The following PRDM5 variants were observed in gnomAD, a reference collection of about 807,000 sequenced individuals.
PRDM5 encodes PR/SET domain 5, also known as PR domain zinc finger protein 5.
In PRDM5, 56 loss-of-function variants were observed where a neutral mutation model predicts 81.2. That is an observed-to-expected ratio of 0.69 (90% CI 0.56 to 0.86). PRDM5 has a LOEUF of 0.86. Among genes scored for constraint, PRDM5 ranks in the 40% least tolerant of loss-of-function variants. The probability of loss-of-function intolerance (pLI) is 0.00; values close to 1 mark genes in which losing one functional copy is unlikely to be tolerated. For missense variants in PRDM5, 697 were observed against 770.1 expected, an observed-to-expected ratio of 0.91 and a Z score of 1.12; for synonymous variants, 267 against 256.4, an observed-to-expected ratio of 1.04 and a Z score of -0.39.
chr4:120,836,047 G>C (rs1226838370), intron 3 of PRDM5, among the ~76,000 whole-genome samples: 2 of 152,116 alleles, frequency 1.3e-5, no homozygotes, highest in African/African-American at 4.8e-5. Flanking sequence ...GTGGGTGGCA[G>C]AGAACGTTGG....
intron 2 of PRDM5, among the ~76,000 whole-genome samples, chr4:120,899,583 C>T (rs1232818941): frequency 6.6e-6 from 1 of 152,126 alleles, no homozygotes; most frequent in Admixed American, 6.5e-5. Context: ...TTTATTCTCA[C>T]AACACAGTCA....
intron 15 of PRDM5, among the ~76,000 whole-genome samples, chr4:120,708,432 G>C (rs1736501365): frequency 6.6e-6 from 1 of 152,082 alleles, no homozygotes; most frequent in Admixed American, 6.6e-5. Context: ...GAAATATCTA[G>C]AATAGGTAAG....
At chr4:120,815,926 T>A in intron 7 of PRDM5, 1 of 182,436 alleles carries the variant, frequency 5.5e-6, no homozygotes, top group Non-Finnish European at 1.2e-5. Flanking sequence ...TTATATTTGT[T>A]TTATTGTTTA....
chr4:120,691,615 T>A (rs1734057342), downstream of PRDM5, among the ~76,000 whole-genome samples: 1 of 152,132 alleles, frequency 6.6e-6, no homozygotes, highest in Admixed American at 6.6e-5. Context: ...CATTCTTAGT[T>A]ACCAGGTTTC....
intron 15 of PRDM5, among the ~76,000 whole-genome samples, chr4:120,702,836 A>G (rs897511723): frequency 5.9e-5 from 9 of 152,114 alleles, no homozygotes; most frequent in Admixed American, 5.2e-4. Context: ...CTCCAAACCC[A>G]ATGTCACCAT....
At chr4:120,767,092 A>C (rs1168380040) in intron 13 of PRDM5, among the ~76,000 whole-genome samples, 1 of 152,198 alleles carries the variant, frequency 6.6e-6, no homozygotes. Flanking sequence ...TGAAGGATAA[A>C]ATCAATCATA....
Position 120,695,133 on chromosome 4 carries a change from A to G in PRDM5, c.1871T>C (p.Ile624Thr), listed in dbSNP as rs545026669. Residue 624 changes from isoleucine to threonine, a missense_variant, in exon 16 of 16, where the codon ATC becomes ACC. Coordinates refer to ENST00000264808, the MANE Select transcript of PRDM5 (RefSeq NM_018699.4). The stretch of plus-strand genomic sequence containing the variant: ...CTATTAGCTGTCAGCTACACCATGG[A>G]TATTGTCCATGTGCACTTTGAGGTA... ...NDYLKVHMDN[I>T]HGVADS is the part of the protein sequence containing the mutation. The G allele has an allele frequency of 6.2e-7, 1 of 1,613,244 alleles. No individual in the cohort carries two copies. Among genetic ancestry groups the G allele is most frequent in the South Asian group, 1.1e-5 (1 of 91,064 alleles).
rs1736783467 is a variant in PRDM5 at position 120,710,335 on chromosome 4, T to C, written c.1702A>G (p.Thr568Ala). 6.2e-7 allele frequency: 1 copy of C among 1,614,044 alleles called. No homozygotes were observed. Among genetic ancestry groups the C allele is most frequent in the East Asian group, 2.2e-5 (1 of 44,868 alleles). ...RGLDEHKRTH[T>A]GEKPFQCDVC... ...TCACACTGAAAAGGCTTTTCTCCAGTGTGCGTCCTCTTGTGCTCATCCAGG... is the reference window on the plus strand; with the variant it reads ...TCACACTGAAAAGGCTTTTCTCCAGCGTGCGTCCTCTTGTGCTCATCCAGG... Residue 568 changes from threonine to alanine, a missense_variant, in exon 15 of 16, where the codon ACT becomes GCT. By Grantham distance (58) the Thr-to-Ala change is moderately conservative. Transcript: ENST00000264808.
At chr4:120,782,064 A>C (rs756126890) in intron 11 of PRDM5, among the ~76,000 whole-genome samples, 3 of 151,716 alleles carry the variant, frequency 2.0e-5, no homozygotes, top group Non-Finnish European at 2.9e-5. Flanking sequence ...TCTAACTTTC[A>C]TATAATGCTA....
At chr4:120,921,602 G>A (rs1214274994) in intron 1 of PRDM5, among the ~76,000 whole-genome samples, 1 of 152,142 alleles carries the variant, frequency 6.6e-6, no homozygotes, top group African/African-American at 2.4e-5. Flanking sequence ...ACCTGAACAA[G>A]CCTGTTCTTG....
intron 14 of PRDM5, among the ~76,000 whole-genome samples, chr4:120,715,669 A>C (rs1040635471): frequency 6.6e-6 from 1 of 152,316 alleles, no homozygotes; most frequent in South Asian, 2.1e-4. Flanking sequence ...TTAAAAAAAC[A>C]TACAAAGACA....
intron 14 of PRDM5, among the ~76,000 whole-genome samples, chr4:120,710,831 C>T (rs1251003431): frequency 6.6e-6 from 1 of 152,164 alleles, no homozygotes; most frequent in Non-Finnish European, 1.5e-5. Context: ...ACTGTAGTGT[C>T]AATTAAACCT....
rs1011916827 is a variant in PRDM5, at chr4:120,711,153, T to A, written c.1624-740A>T. Among the ~76,000 whole-genome samples, 6 of 152,332 alleles carry A rather than the reference T, an allele frequency of 3.9e-5. No homozygotes were observed. In the East Asian group the frequency reaches 1.2e-3, roughly 29 times the overall value. On this transcript the variant is annotated intron_variant, in intron 14 of 15. Coordinates refer to ENST00000264808, the MANE Select transcript of PRDM5 (RefSeq NM_018699.4). ...ATCTACTGAGATACTCAGGGCATCA[T>A]GAATGAAGAAAGTTTGAGAACCCTT...
chr4:120,818,353 T>C lies in PRDM5; in HGVS notation c.650A>G (p.His217Arg). ...KFPVKQALQR[H>R]VLQCTAKSSL... ...AAAGATATTTCTTTAATATACGCAC[T>C]GTCTTTGCAAAGCCTGCTTAACTGG... Residue 217 changes from histidine (H) to arginine (R), a missense_variant and splice_region_variant, in exon 5 of 16, where the codon CAT becomes CGT. Physicochemically the swap from His to Arg is conservative, Grantham distance 29. Transcript: ENST00000264808. 2 of 1,613,198 alleles carry C rather than the reference T, an allele frequency of 1.2e-6. No homozygotes were observed. Among genetic ancestry groups the C allele is most frequent in the Non-Finnish European group, 1.7e-6 (2 of 1,179,200 alleles).
In PRDM5 at chr4:120,888,002, C is replaced by T. The variant is rs1291358267; in HGVS notation, c.177+19472G>A. ...AGAGACGGGGTTTCACCGTTTTAGCCGGGATGGTCTCGATCTCCTGACCTC... is the reference window on the plus strand; with the variant it reads ...AGAGACGGGGTTTCACCGTTTTAGCTGGGATGGTCTCGATCTCCTGACCTC... On this transcript the variant is annotated intron_variant, in intron 2 of 15. Coordinates refer to ENST00000264808, the MANE Select transcript of PRDM5 (RefSeq NM_018699.4). Among the ~76,000 whole-genome samples, 2 of 124,518 alleles carry T rather than the reference C, an allele frequency of 1.6e-5. 1 individual carries two copies. Among genetic ancestry groups the T allele is most frequent in the African/African-American group, 7.7e-5 (2 of 26,054 alleles). The allele number at this position is 124,518 out of a possible 152,430, so 81.7% of individuals were successfully genotyped here. A position where few individuals can be genotyped will look rare whatever the true frequency, so the allele number is the denominator to read the frequency against.
intron 8 of PRDM5, among the ~76,000 whole-genome samples, chr4:120,808,520 A>C (rs1040816644): frequency 6.6e-6 from 1 of 152,108 alleles, no homozygotes; most frequent in African/African-American, 2.4e-5. Flanking sequence ...CCAAGTCCCC[A>C]CCAGACTCAG....
intron 15 of PRDM5, among the ~76,000 whole-genome samples, chr4:120,709,668 TTC>T (rs1736670678): frequency 6.6e-6 from 1 of 151,820 alleles, no homozygotes; most frequent in Admixed American, 6.6e-5. Flanking sequence ...TCTGTGTCAA[TTC>T]TCTGTCAACT....
chr4:120,817,016 T>C (rs113130165), intron 5 of PRDM5, 92 bp from the exon 6 acceptor site: 2 of 1,060,692 alleles, frequency 1.9e-6, no homozygotes, highest in South Asian at 2.6e-5. Context: ...AATAAAGTCA[T>C]GTTCGTGATC....
At chr4:120,744,390 C>T (rs1481139223) in intron 14 of PRDM5, among the ~76,000 whole-genome samples, 1 of 152,118 alleles carries the variant, frequency 6.6e-6, no homozygotes, top group East Asian at 1.9e-4. Context: ...CAAGAGCAAA[C>T]ACACTCAAAA....
Sources: allele counts gnomAD v4.1 joint callset (sites outside exome capture counted in the v4.1 genomes callset), GRCh38; gene constraint gnomAD v4.1.1; transcripts MANE v1.5; gene names NCBI Gene and HGNC (gene_info 2026-07-23, HGNC 2026-07-21).